Variants in NPAS3 observed in about 807,000 individuals in gnomAD.
NPAS3 encodes the protein neuronal PAS domain-containing protein 3.
A neutral mutation model predicts 73.1 loss-of-function variants in NPAS3; 14 were observed. That is an observed-to-expected ratio of 0.19 (90% CI 0.13 to 0.30). The LOEUF (loss-of-function observed/expected upper bound fraction) is 0.30, where lower values mean the gene tolerates loss of function less well. NPAS3 is among the 10% of genes least tolerant of loss of function. The pLI is 1.00. For missense variants in NPAS3, 1,096 were observed against 1,250.0 expected (o/e 0.88, Z 1.86); for synonymous variants, 620 against 541.5 (o/e 1.14, Z -2.01).
At chr14:33,672,443 C>CTAAA (rs3059408) in intron 5 of NPAS3, among the ~76,000 whole-genome samples, 17 of 152,042 alleles carry the variant, frequency 1.1e-4, no homozygotes, top group Admixed American at 3.9e-4. Flanking sequence ...AATATACCTA[C>CTAAA]TAAACATAAT....
At chr14:33,315,465 C>T (rs555248920) in intron 3 of NPAS3, among the ~76,000 whole-genome samples, 36 of 150,852 alleles carry the variant, frequency 2.4e-4, no homozygotes, top group South Asian at 1.3e-3. Context: ...GGCATGTGTG[C>T]GCCAAGGGAG....
At chr14:33,030,983 C>G (rs967840417) in intron 1 of NPAS3, among the ~76,000 whole-genome samples, 1 of 152,146 alleles carries the variant, frequency 6.6e-6, no homozygotes, top group Non-Finnish European at 1.5e-5. Flanking sequence ...TTAATGAAGT[C>G]AAGGTTCTTT....
intron 4 of NPAS3, among the ~76,000 whole-genome samples, chr14:33,432,880 A>G (rs535928638): frequency 1.3e-5 from 2 of 152,330 alleles, no homozygotes; most frequent in East Asian, 3.9e-4. Context: ...TTCATTACCA[A>G]TAATTTTAGT....
chr14:33,459,130 G>A (rs968328791), intron 4 of NPAS3, among the ~76,000 whole-genome samples: 1 of 152,156 alleles, frequency 6.6e-6, no homozygotes, highest in Non-Finnish European at 1.5e-5. Context: ...ACTGATGGGA[G>A]TGTAGCAGTG....
Position 33,788,165 on chromosome 14 carries a change from T to C in NPAS3, c.1154-5732T>C, listed in dbSNP as rs111279103. The stretch of plus-strand genomic sequence containing the variant: ...TGGTATTAAGTAGAAAGTGTGATTC[T>C]AGCACACCCCCCTCACTTACACACA... On this transcript the variant is annotated intron_variant, in intron 9 of 11. Transcript: ENST00000356141. Among the ~76,000 whole-genome samples, 1,239 of 152,264 alleles carry C rather than the reference T, an allele frequency of 8.1e-3. 13 individuals are homozygous for C. Among genetic ancestry groups the C allele is most frequent in the African/African-American group, 0.029 (1,185 of 41,536 alleles).
At chr14:33,156,199 C>T (rs537878232) in intron 2 of NPAS3, among the ~76,000 whole-genome samples, 2 of 152,122 alleles carry the variant, frequency 1.3e-5, no homozygotes, top group Non-Finnish European at 2.9e-5. Flanking sequence ...ATGAATACTC[C>T]TTTATTTCAT....
chr14:33,737,724 C>T (rs2061558325), intron 7 of NPAS3, among the ~76,000 whole-genome samples: 1 of 152,140 alleles, frequency 6.6e-6, no homozygotes, highest in Non-Finnish European at 1.5e-5. Flanking sequence ...CATGACACAG[C>T]TGAATAACAT....
chr14:33,527,440 T>A (rs1226564925), intron 4 of NPAS3, among the ~76,000 whole-genome samples: 1 of 152,186 alleles, frequency 6.6e-6, no homozygotes, highest in Admixed American at 6.5e-5. Flanking sequence ...CAAAATAAGA[T>A]GTTATCTCTG....
At chr14:32,986,177 G>A (rs1206976570) in intron 1 of NPAS3, among the ~76,000 whole-genome samples, 4 of 152,132 alleles carry the variant, frequency 2.6e-5, no homozygotes, top group African/African-American at 9.7e-5. Context: ...ACTCTGATTT[G>A]TATGATTTAG....
At chr14:33,520,250 A>G (rs1331604255) in intron 4 of NPAS3, among the ~76,000 whole-genome samples, 1 of 152,118 alleles carries the variant, frequency 6.6e-6, no homozygotes, top group Non-Finnish European at 1.5e-5. Flanking sequence ...TCTGTGCCTC[A>G]GAGGAGGCTA....
chr14:33,359,249 T>A (rs1209262681), intron 3 of NPAS3, among the ~76,000 whole-genome samples: 2 of 152,160 alleles, frequency 1.3e-5, no homozygotes, highest in African/African-American at 4.8e-5. Context: ...CAACGTTAGT[T>A]CCCTGTCGTA....
intron 6 of NPAS3, among the ~76,000 whole-genome samples, chr14:33,688,226 A>C (rs1375740674): frequency 2.0e-5 from 3 of 152,198 alleles, no homozygotes; most frequent in African/African-American, 4.8e-5. Flanking sequence ...CCTTGCCCAG[A>C]AAGAGAGTTC....
intron 2 of NPAS3, among the ~76,000 whole-genome samples, chr14:33,203,048 A>C (rs1246425393): frequency 6.6e-6 from 1 of 152,248 alleles, no homozygotes; most frequent in South Asian, 2.1e-4. Flanking sequence ...TAGACATTAC[A>C]TTACACATTA....
intron 4 of NPAS3, among the ~76,000 whole-genome samples, chr14:33,487,365 C>G (rs952228819): frequency 2.6e-5 from 4 of 152,102 alleles, no homozygotes; most frequent in Non-Finnish European, 5.9e-5. Flanking sequence ...GCATTTCAGG[C>G]AAACTCGCCC....
intron 4 of NPAS3, among the ~76,000 whole-genome samples, chr14:33,494,621 A>C (rs2052075475): frequency 6.6e-6 from 1 of 152,150 alleles, no homozygotes; most frequent in African/African-American, 2.4e-5. Context: ...TAAGAGATGT[A>C]AAGTTTCAAA....
intron 10 of NPAS3, among the ~76,000 whole-genome samples, chr14:33,796,628 C>T (rs2138655870): frequency 6.6e-6 from 1 of 152,256 alleles, no homozygotes. Flanking sequence ...TTCCTTGTGC[C>T]TTCAGATTAC....
chr14:33,134,441 G>A (rs1180925802), intron 2 of NPAS3, among the ~76,000 whole-genome samples: 1 of 152,050 alleles, frequency 6.6e-6, no homozygotes, highest in African/African-American at 2.4e-5. Flanking sequence ...CACTTGAAAA[G>A]CACAGTTTTG....
At chr14:33,326,588 A>G (rs2043718917) in intron 3 of NPAS3, among the ~76,000 whole-genome samples, 1 of 152,222 alleles carries the variant, frequency 6.6e-6, no homozygotes. Context: ...ACAGTTTGCA[A>G]ATTATAGAAC....
At chr14:33,391,654 A>G (rs529444778) in intron 4 of NPAS3, among the ~76,000 whole-genome samples, 5 of 152,322 alleles carry the variant, frequency 3.3e-5, no homozygotes, top group South Asian at 2.1e-4. Context: ...TGTGTGAACA[A>G]TGTTTTTTTC....
Sources: allele counts gnomAD v4.1 joint callset (sites outside exome capture counted in the v4.1 genomes callset), GRCh38; gene constraint gnomAD v4.1.1; transcripts MANE v1.5; gene names NCBI Gene and HGNC (gene_info 2026-07-23, HGNC 2026-07-21).